The following FBRSL1 variants were observed in gnomAD, a reference collection of about 807,000 sequenced individuals.
FBRSL1 encodes fibrosin-1-like protein.
FBRSL1 carries 51 observed loss-of-function variants against 89.6 expected under a neutral mutation model. That is an observed-to-expected ratio of 0.57 (90% CI 0.45 to 0.72). The LOEUF (loss-of-function observed/expected upper bound fraction) is 0.72. Among genes scored for constraint, FBRSL1 ranks in the 30% least tolerant of loss-of-function variants. The pLI is 0.00. For missense variants in FBRSL1, 1,618 were observed against 1,451.8 expected, an observed-to-expected ratio of 1.11 and a Z score of -1.86; for synonymous variants, 779 against 681.1, an observed-to-expected ratio of 1.14 and a Z score of -2.24.
rs1350868585 is a variant in FBRSL1 at position 132,525,810 on chromosome 12, A to G, written c.566A>G (p.Asp189Gly). ...DSVLEATSSR[D>G]PLSDSSAHAV... is the part of the protein sequence containing the mutation. ...GTCCTCGAAGCCACCAGCTCCCGGGACCCGCTCAGCGATGTGAGTACCCAG... is the reference window on the plus strand; with the variant it reads ...GTCCTCGAAGCCACCAGCTCCCGGGGCCCGCTCAGCGATGTGAGTACCCAG... Residue 189 changes from aspartate (D) to glycine (G), a missense_variant, in exon 3 of 19, where the codon GAC becomes GGC. Transcript: ENST00000680143. 10 of 1,549,456 alleles carry G rather than the reference A, an allele frequency of 6.5e-6. No individual in the cohort carries two copies. Among genetic ancestry groups the G allele is most frequent in the Non-Finnish European group, 8.7e-6 (10 of 1,146,112 alleles).
chr12:132,567,120 C>G (rs2039681634), intron 5 of FBRSL1, among the ~76,000 whole-genome samples: 1 of 152,220 alleles, frequency 6.6e-6, no homozygotes, highest in Non-Finnish European at 1.5e-5. Flanking sequence ...CCCACAGCTA[C>G]TGGTGCTGGT....
chr12:132,551,761 C>T (rs1004767683), intron 5 of FBRSL1: 3 of 361,538 alleles, frequency 8.3e-6, no homozygotes, highest in African/African-American at 6.4e-5. Flanking sequence ...TCCTTGGCAG[C>T]TGACGGGAGG....
chr12:132,516,639 A>G (rs1359367648), intron 2 of FBRSL1, among the ~76,000 whole-genome samples: 7 of 152,198 alleles, frequency 4.6e-5, no homozygotes, highest in Admixed American at 4.6e-4. Context: ...CATTTCCACC[A>G]GTTAACATGC....
At chr12:132,582,941 G>A (rs1333669476) in intron 18 of FBRSL1, 30 bp from the exon 19 acceptor site, 10 of 1,375,966 alleles carry the variant, frequency 7.3e-6, no homozygotes, top group Non-Finnish European at 9.3e-6. Flanking sequence ...GGAGGTCTCG[G>A]GAGTGACGGG....
chr12:132,538,492 G>A (rs58657086), intron 4 of FBRSL1, among the ~76,000 whole-genome samples: 1,910 of 152,290 alleles, frequency 0.013, 50 homozygotes, highest in East Asian at 0.12. Flanking sequence ...AGTGGGCGAC[G>A]CAGAGCCCAG....
chr12:132,562,911 T>C (rs1437319807), intron 5 of FBRSL1, among the ~76,000 whole-genome samples: 4 of 152,100 alleles, frequency 2.6e-5, no homozygotes, highest in Non-Finnish European at 5.9e-5. Context: ...TTCACTTCTA[T>C]GTTTGCGATC....
chr12:132,551,365 G>A (rs1250595825), intron 5 of FBRSL1: 2 of 452,524 alleles, frequency 4.4e-6, no homozygotes, highest in South Asian at 1.6e-5. Context: ...AGAAGCCACA[G>A]ACAGCGTCCT....
intron 2 of FBRSL1, among the ~76,000 whole-genome samples, chr12:132,517,916 G>A (rs956082001): frequency 2.6e-5 from 4 of 152,166 alleles, no homozygotes. Context: ...TCATTCTTCT[G>A]TTGGACAGGG....
intron 2 of FBRSL1, among the ~76,000 whole-genome samples, chr12:132,525,426 G>A (rs1363812690): frequency 2.0e-5 from 3 of 152,214 alleles, no homozygotes; most frequent in Admixed American, 1.3e-4. Context: ...GGCGGTTCTC[G>A]TGTCACTGAG....
chr12:132,558,843 AGCCCAAGCCCTCTGTCCCTG>A (rs1360305436), intron 5 of FBRSL1, among the ~76,000 whole-genome samples: 1 of 152,180 alleles, frequency 6.6e-6, no homozygotes, highest in Non-Finnish European at 1.5e-5. Flanking sequence ...CCGAAACTGG[AGCCCAAGCCCTCTGTCCCTG>A]GCCGCACCAG....
Position 132,576,979 on chromosome 12 carries a change from G to T in FBRSL1, c.1834+48G>T, listed in dbSNP as rs752538673. The T allele has an allele frequency of 3.9e-6, 6 of 1,523,984 alleles. No homozygotes were observed. The African/African-American group carries it at 8.3e-5, about 21-fold the overall frequency. 94.4% of individuals were successfully genotyped at this position (1,523,984 alleles called of 1,614,324 possible). On this transcript the variant is annotated intron_variant, in intron 15 of 18. Coordinates refer to ENST00000680143, the MANE Select transcript of FBRSL1 (RefSeq NM_001367871.1). ...TGGGGGGCACAGAAACCTCCCGCTC[G>T]TGCCCAGCTGAGCCTGCCTTCCTGT...
chr12:132,530,567 G>A (rs1016133564), intron 4 of FBRSL1, among the ~76,000 whole-genome samples: 3 of 152,036 alleles, frequency 2.0e-5, no homozygotes, highest in Non-Finnish European at 2.9e-5. Context: ...GAGCCACTGG[G>A]TGCCCTTCTG....
intron 1 of FBRSL1, among the ~76,000 whole-genome samples, chr12:132,505,055 T>A (rs1450929804): frequency 6.6e-6 from 1 of 152,048 alleles, no homozygotes; most frequent in Non-Finnish European, 1.5e-5. Flanking sequence ...AAACCCGGGA[T>A]GCAGAAGTTG....
chr12:132,583,079 CG>C lies in FBRSL1; in HGVS notation c.2314del (p.Ala772ProfsTer41). 6.9e-7 allele frequency: 1 copy of C among 1,444,570 alleles called. No individual in the cohort carries two copies. The highest frequency in any genetic ancestry group is 9.1e-7 in the Non-Finnish European group (1 of 1,103,022). The allele number at this position is 1,444,570 out of a possible 1,614,324, so 89.5% of individuals were successfully genotyped here. On this transcript the variant is annotated frameshift_variant, in exon 19 of 19. Transcript: ENST00000680143. LOFTEE classifies it high-confidence loss of function. ...GGGCCCAGAGCGAGCTGGGCCGGTC[CG>C]GGGCCCCCGCGGAGCGCGAGGCCGA... ...LRAQSELGRS[G>X]APAEREAEPR...
chr12:132,561,797 G>A (rs1008223296), intron 5 of FBRSL1, among the ~76,000 whole-genome samples: 4 of 152,224 alleles, frequency 2.6e-5, no homozygotes, highest in African/African-American at 9.6e-5. Flanking sequence ...GGAGGATGGT[G>A]CAGGCCCAGG....
At chr12:132,574,271 C>G (rs999075809) in intron 12 of FBRSL1, 48 bp from the exon 13 acceptor site, 1 of 1,482,632 alleles carries the variant, frequency 6.7e-7, no homozygotes, top group Admixed American at 2.4e-5. Flanking sequence ...CCCCAGGACT[C>G]AGCCTCCTGA....
At chr12:132,492,916 T>TC (rs1224204218) in intron 1 of FBRSL1, among the ~76,000 whole-genome samples, 3 of 152,240 alleles carry the variant, frequency 2.0e-5, no homozygotes, top group African/African-American at 7.2e-5. Flanking sequence ...TGGTGGTTTT[T>TC]CCCCAAAGTT....
rs944093632 is a variant in FBRSL1, at chr12:132,546,230, C to G, written c.616-1773C>G. Among the ~76,000 whole-genome samples, 7 of 152,278 alleles carry G rather than the reference C, an allele frequency of 4.6e-5. No homozygotes were observed. The highest frequency in any genetic ancestry group is 1.7e-4 in the African/African-American group (7 of 41,474). On this transcript the variant is annotated intron_variant, in intron 4 of 18. Coordinates refer to ENST00000680143, the MANE Select transcript of FBRSL1 (RefSeq NM_001367871.1). This position sits in a 1 kb window ranked among gnomAD's most constrained non-coding sequence, Gnocchi z 4.0. ...TTTCCTCACCAAACACCAAGGCCCG[C>G]CCATATCACAGCAGGGGAGATGGAG...
chr12:132,583,390 C>T lies in FBRSL1; in HGVS notation c.2621C>T (p.Ser874Phe), dbSNP rs2040927126. The T allele has an allele frequency of 9.2e-7, 1 of 1,085,342 alleles. No individual in the cohort carries two copies. Among genetic ancestry groups the T allele is most frequent in the Non-Finnish European group, 1.1e-6 (1 of 893,942 alleles). 67.2% of individuals were successfully genotyped at this position (1,085,342 alleles called of 1,614,324 possible). The change falls in exon 19 of 19, where the codon TCC becomes TTC. Residue 874 changes from serine (S) to phenylalanine (F), a missense_variant. By Grantham distance (155) the Ser-to-Phe change is radical. Transcript: ENST00000680143. ...AFPAAAPAPGSAALLEPPERP... is the reference protein window; with the variant it reads ...AFPAAAPAPGFAALLEPPERP... ...CCCGCTGCCGCCCCCGCCCCGGGCT[C>T]CGCCGCCCTCTTGGAGCCCCCGGAG...
Sources: gnomAD v4.1 joint callset for allele counts (sites outside exome capture counted in the v4.1 genomes callset) on GRCh38, gnomAD v4.1.1 for gene constraint, Gnocchi (gnomAD v3.1) non-coding constraint, MANE v1.5 for transcripts, NCBI Gene and HGNC (gene_info 2026-07-23, HGNC 2026-07-21) for gene names.